The following PPP1R21 variants were observed in gnomAD, a reference collection of about 807,000 sequenced individuals.
PPP1R21 encodes the protein KLRAQ motif containing 1.
In PPP1R21, 85 loss-of-function variants were observed where a neutral mutation model predicts 112.8. The observed-to-expected ratio is 0.75, with a 90% confidence interval of 0.63 to 0.90. PPP1R21 has a LOEUF of 0.90. PPP1R21 is among the 40% of genes least tolerant of loss of function. The probability of loss-of-function intolerance (pLI) is 0.00; values close to 1 mark genes in which losing one functional copy is unlikely to be tolerated. For synonymous variants in PPP1R21, 381 were observed against 322.3 expected, an observed-to-expected ratio of 1.18 and a Z score of -1.95; for missense variants, 1,199 against 901.5, an observed-to-expected ratio of 1.33 and a Z score of -4.23.
chr2:48,506,327 C>G (rs1241045890), intron 18 of PPP1R21, among the ~76,000 whole-genome samples: 1 of 152,166 alleles, frequency 6.6e-6, no homozygotes, highest in Non-Finnish European at 1.5e-5. Flanking sequence ...CTCCTGAGTT[C>G]AGGTGATCCA....
chr2:48,495,149 C>T (rs966751313), intron 15 of PPP1R21, among the ~76,000 whole-genome samples: 21 of 152,210 alleles, frequency 1.4e-4, no homozygotes, highest in African/African-American at 4.1e-4. Flanking sequence ...AGTCATCAGT[C>T]GAACCAAGGT....
intron 3 of PPP1R21, among the ~76,000 whole-genome samples, chr2:48,455,256 C>T (rs1667670105): frequency 2.0e-5 from 3 of 150,500 alleles, no homozygotes; most frequent in South Asian, 2.1e-4. Flanking sequence ...AAGTGATTCT[C>T]CTGCCTCAAC....
chr2:48,459,153 A>T (rs1406327318), intron 4 of PPP1R21, among the ~76,000 whole-genome samples: 15 of 146,918 alleles, frequency 1.0e-4, no homozygotes, highest in African/African-American at 3.5e-4. Context: ...CTCCTTACTT[A>T]TTTTTTTTTG....
intron 19 of PPP1R21, among the ~76,000 whole-genome samples, chr2:48,508,780 G>C (rs1251803307): frequency 1.3e-5 from 2 of 152,176 alleles, no homozygotes. Flanking sequence ...TGGCTGAACT[G>C]CCCTAAAATT....
intron 4 of PPP1R21, among the ~76,000 whole-genome samples, chr2:48,458,729 G>A (rs1667836620): frequency 6.6e-6 from 1 of 151,974 alleles, no homozygotes; most frequent in East Asian, 1.9e-4. Context: ...TCTTACTTAT[G>A]TCAGGCACTC....
chr2:48,455,577 A>G (rs1447363136), intron 3 of PPP1R21, among the ~76,000 whole-genome samples: 1 of 152,188 alleles, frequency 6.6e-6, no homozygotes, highest in Non-Finnish European at 1.5e-5. Flanking sequence ...TTAGGAGCAA[A>G]TGTAGTTGGT....
chr2:48,446,925 A>G (rs1172259329), intron 1 of PPP1R21, among the ~76,000 whole-genome samples: 3 of 151,906 alleles, frequency 2.0e-5, no homozygotes, highest in Admixed American at 2.0e-4. Flanking sequence ...TAATTTTTGT[A>G]TTTTCAGTAG....
intron 14 of PPP1R21, among the ~76,000 whole-genome samples, chr2:48,487,950 G>C (rs1401148157): frequency 6.6e-6 from 1 of 152,124 alleles, no homozygotes; most frequent in Non-Finnish European, 1.5e-5. Context: ...TATTGCAGCA[G>C]ACTCAGCATG....
intron 11 of PPP1R21, among the ~76,000 whole-genome samples, chr2:48,472,182 G>A (rs1356431299): frequency 1.6e-5 from 2 of 122,926 alleles, no homozygotes; most frequent in Non-Finnish European, 3.2e-5. Flanking sequence ...GGAGGTTGCA[G>A]TGAGCCAAGA....
intron 12 of PPP1R21, among the ~76,000 whole-genome samples, chr2:48,479,191 C>G (rs765317027): frequency 6.6e-6 from 1 of 152,228 alleles, no homozygotes; most frequent in Non-Finnish European, 1.5e-5. Context: ...TCTGTCCACA[C>G]TTGCTCAGAA....
intron 7 of PPP1R21, 51 bp downstream of exon 7, chr2:48,461,283 G>T: frequency 6.8e-7 from 1 of 1,465,912 alleles, no homozygotes; most frequent in African/African-American, 1.5e-5. Flanking sequence ...ATCTCTCTGT[G>T]GTAGCCAACT....
At chr2:48,509,272 C>G (rs1670525175) in intron 19 of PPP1R21, among the ~76,000 whole-genome samples, 1 of 151,818 alleles carries the variant, frequency 6.6e-6, no homozygotes, top group African/African-American at 2.4e-5. Context: ...ATAATGTGGT[C>G]TCTAATGAAG....
At chr2:48,447,605 A>T (rs1323777140) in intron 1 of PPP1R21, among the ~76,000 whole-genome samples, 1 of 152,172 alleles carries the variant, frequency 6.6e-6, no homozygotes, top group African/African-American at 2.4e-5. Context: ...AACAGTGTTC[A>T]TTTGCCTCCC....
intron 9 of PPP1R21, among the ~76,000 whole-genome samples, chr2:48,467,741 C>T (rs1006367946): frequency 2.0e-5 from 3 of 152,192 alleles, no homozygotes; most frequent in African/African-American, 7.2e-5. Context: ...TCGTATTGGT[C>T]ACACAGACCA....
chr2:48,495,057 A>G (rs1035309539), intron 15 of PPP1R21, among the ~76,000 whole-genome samples: 4 of 152,188 alleles, frequency 2.6e-5, no homozygotes, highest in African/African-American at 9.7e-5. Flanking sequence ...TACTGTACTG[A>G]AAGTGAAAAA....
intron 12 of PPP1R21, chr2:48,479,474 A>G (rs1668906532): frequency 2.1e-6 from 1 of 471,270 alleles, no homozygotes; most frequent in Non-Finnish European, 4.4e-6. Context: ...CTTTTTGCAA[A>G]TTTTACCAGT....
At chr2:48,502,848 T>G (rs1670186694) in intron 17 of PPP1R21, among the ~76,000 whole-genome samples, 1 of 151,856 alleles carries the variant, frequency 6.6e-6, no homozygotes, top group Non-Finnish European at 1.5e-5. Context: ...GCCCGGCTAA[T>G]TTTTTGTATT....
At chr2:48,467,064 A>C (rs1306996682) in intron 9 of PPP1R21, among the ~76,000 whole-genome samples, 1 of 152,118 alleles carries the variant, frequency 6.6e-6, no homozygotes, top group Non-Finnish European at 1.5e-5. Context: ...AACTTTCATC[A>C]CTGGGCATGT....
chr2:48,498,757 C>G, intron 17 of PPP1R21, 22 bp downstream of exon 17: 3 of 1,607,984 alleles, frequency 1.9e-6, no homozygotes, highest in Non-Finnish European at 2.6e-6. Flanking sequence ...CTTGGTTGTC[C>G]TCAGTTTTCT....
Sources: allele counts gnomAD v4.1 joint callset (sites outside exome capture counted in the v4.1 genomes callset), GRCh38; gene constraint gnomAD v4.1.1; transcripts MANE v1.5; gene names NCBI Gene and HGNC (gene_info 2026-07-23, HGNC 2026-07-21).